Variants in ACSM2A observed in about 807,000 individuals in gnomAD.
ACSM2A encodes acyl-coenzyme A synthetase ACSM2A, mitochondrial.
In ACSM2A, 72 loss-of-function variants were observed where a neutral mutation model predicts 76.6. The ratio of observed to expected loss-of-function variants is 0.94; its 90% CI spans 0.78 to 1.14. The LOEUF is 1.14. Among genes scored for constraint, ACSM2A ranks in the 50% most tolerant of loss-of-function variants. The pLI is 0.00. For synonymous variants in ACSM2A, 249 were observed against 255.9 expected, an observed-to-expected ratio of 0.97 and a Z score of 0.26; for missense variants, 684 against 708.5, an observed-to-expected ratio of 0.97 and a Z score of 0.39.
At chr16:20,482,938 C>A in intron 12 of ACSM2A, 120 bp from the exon 13 acceptor site, 1 of 1,468,180 alleles carries the variant, frequency 6.8e-7, no homozygotes, top group Non-Finnish European at 9.2e-7. Flanking sequence ...TGACCTGGAT[C>A]ACCGGGGGTG....
Position 20,458,986 on chromosome 16 carries a change from G to T in ACSM2A, c.-8-1121G>T, listed in dbSNP as rs188164174. ...AGCCATGAAAAAGAATGACTTAGTG[G>T]CATTCGCAGCAACCTGGATGGGATT... On this transcript the variant is annotated intron_variant, in intron 1 of 13. Transcript: ENST00000573854. Among the ~76,000 whole-genome samples the T allele has an allele frequency of 2.8e-5, 4 of 144,918 alleles. No homozygotes were observed. In the East Asian group the frequency reaches 8.0e-4, roughly 29 times the overall value.
At position 20,481,083 on chromosome 16, in the gene ACSM2A, T is replaced by TTTCTCA. The variant is rs539324458; in HGVS notation, c.1509+162_1509+163insTTCTCA. On this transcript the variant is annotated intron_variant, in intron 12 of 13. Coordinates refer to ENST00000573854, the MANE Select transcript of ACSM2A (RefSeq NM_001308172.2). ...CCTTGGGCAAGCTACTTGGCCTCTC[T>TTTCTCA]GTTTCTCAGTTTCCCCATCTGTAAG... 376 of 849,906 alleles carry TTTCTCA rather than the reference T, an allele frequency of 4.4e-4. 4 individuals carry two copies. Among genetic ancestry groups the TTTCTCA allele is most frequent in the Non-Finnish European group, 8.0e-5 (44 of 552,502 alleles). 52.6% of individuals were successfully genotyped at this position (849,906 alleles called of 1,614,324 possible). A position where few individuals can be genotyped will look rare whatever the true frequency, so the allele number is the denominator to read the frequency against.
In ACSM2A at chr16:20,476,761, A is replaced by G. The variant is rs538088926; in HGVS notation, c.1099-608A>G. The G allele has an allele frequency of 8.6e-5, 87 of 1,010,334 alleles. No individual in the cohort carries two copies. In the African/African-American group the frequency reaches 1.0e-3, roughly 12 times the overall value. 62.6% of individuals were successfully genotyped at this position (1,010,334 alleles called of 1,614,324 possible). A position where few individuals can be genotyped will look rare whatever the true frequency, so the allele number is the denominator to read the frequency against. ...GCTAGATCTGAGAAAATGACAATCTATGTCTCTGTCAGTGAGGCATCCACC... is the reference window on the plus strand; with the variant it reads ...GCTAGATCTGAGAAAATGACAATCTGTGTCTCTGTCAGTGAGGCATCCACC... On this transcript the variant is annotated intron_variant, in intron 8 of 13. Coordinates refer to ENST00000573854, the MANE Select transcript of ACSM2A (RefSeq NM_001308172.2).
chr16:20,455,584 C>T (rs1035692504), intron 1 of ACSM2A, among the ~76,000 whole-genome samples: 2 of 150,442 alleles, frequency 1.3e-5, no homozygotes, highest in South Asian at 4.2e-4. Flanking sequence ...CTTTTTCAGA[C>T]AGAGAAATAC....
chr16:20,460,892 T>C (rs2012581871), intron 2 of ACSM2A, among the ~76,000 whole-genome samples: 2 of 123,454 alleles, frequency 1.6e-5, no homozygotes, highest in South Asian at 5.9e-4. Context: ...TCCCAGAAAG[T>C]TAGGTCACGT....
chr16:20,465,046 A>T (rs2012892535), intron 2 of ACSM2A, among the ~76,000 whole-genome samples: 1 of 152,218 alleles, frequency 6.6e-6, no homozygotes. Flanking sequence ...TCACGAGTAT[A>T]CAATAGCATT....
chr16:20,481,199 C>T lies in ACSM2A; in HGVS notation c.1509+278C>T, dbSNP rs374245569. ...AAAAAAACTAAACAGAACTACCATA[C>T]GATCCAGCAATCCCACTACTGGGTA... On this transcript the variant is annotated intron_variant, in intron 12 of 13. Transcript: ENST00000573854. 272 of 430,700 alleles carry T rather than the reference C, an allele frequency of 6.3e-4. 3 individuals are homozygous for T. Among genetic ancestry groups the T allele is most frequent in the South Asian group, 1.9e-3 (54 of 27,936 alleles). The allele number at this position is 430,700 out of a possible 1,614,324, so 26.7% of individuals were successfully genotyped here.
chr16:20,466,677 T>C (rs1477661211), intron 3 of ACSM2A, among the ~76,000 whole-genome samples: 3 of 152,238 alleles, frequency 2.0e-5, no homozygotes, highest in Non-Finnish European at 4.4e-5. Flanking sequence ...TTGAGTCAAC[T>C]CCTCAGAGAT....
Sources: allele counts gnomAD v4.1 joint callset (sites outside exome capture counted in the v4.1 genomes callset), GRCh38; gene constraint gnomAD v4.1.1; transcripts MANE v1.5; gene names NCBI Gene and HGNC (gene_info 2026-07-23, HGNC 2026-07-21).